Variants in MAP1B observed in about 807,000 individuals in gnomAD.
The protein encoded by MAP1B is microtubule associated protein 1B.
A neutral mutation model predicts 176.1 loss-of-function variants in MAP1B; 12 were observed. That is an observed-to-expected ratio of 0.07 (90% CI 0.04 to 0.11). The LOEUF is 0.11. Ranked by LOEUF, MAP1B falls within the 10% of genes least tolerant of loss-of-function variation. The pLI, the probability that MAP1B is intolerant of heterozygous loss-of-function variation, is 1.00. For missense variants in MAP1B, 2,523 were observed against 2,990.5 expected, an observed-to-expected ratio of 0.84 and a Z score of 3.65; for synonymous variants, 1,044 against 1,135.0, an observed-to-expected ratio of 0.92 and a Z score of 1.61.
Position 72,199,628 on chromosome 5 carries a change from G to A in MAP1B, c.6273G>A (p.Lys2091=), listed in dbSNP as rs768229932. The change falls in exon 5 of 7, where the codon AAG becomes AAA. Residue 2091 remains lysine, a synonymous_variant. Coordinates refer to ENST00000296755, the MANE Select transcript of MAP1B (RefSeq NM_005909.5). The surrounding 1 kb of genome is among the most constrained non-coding windows in gnomAD (Gnocchi z 4.2). Reference sequence around the variant, plus strand: ...GCCTCGTGTCCTCTTGTGAATACAAGCACCCCAAGACAGAGCTTTCACCCT... The same window carrying A: ...GCCTCGTGTCCTCTTGTGAATACAAACACCCCAAGACAGAGCTTTCACCCT... The part of the protein sequence containing the change: ...DLCLVSSCEY[K]HPKTELSPSF... 1.2e-6 allele frequency: 2 copies of A among 1,614,128 alleles called. No homozygotes were observed. Among genetic ancestry groups the A allele is most frequent in the East Asian group, 2.2e-5 (1 of 44,874 alleles).
intron 4 of MAP1B, chr5:72,193,342 CTTTTTTT>C: frequency 1.6e-4 from 34 of 215,098 alleles, no homozygotes; most frequent in South Asian, 4.3e-4. Context: ...TCCATCAGGC[CTTTTTTT>C]TTTTTTTTTT....
Position 72,195,957 on chromosome 5 carries a change from A to G in MAP1B, c.2602A>G (p.Lys868Glu). The change falls in exon 5 of 7, where the codon AAG becomes GAG. Residue 868 changes from lysine (K) to glutamate (E), a missense_variant. Physicochemically the swap from Lys to Glu is moderately conservative, Grantham distance 56 (BLOSUM62 1). Coordinates refer to ENST00000296755, the MANE Select transcript of MAP1B (RefSeq NM_005909.5). ...LELIEDEEKLKETEPVEAYVI... is the reference protein window; with the variant it reads ...LELIEDEEKLEETEPVEAYVI... ...GCTAATCGAAGACGAAGAGAAACTG[A>G]AGGAAACTGAGCCAGTCGAAGCCTA... is the stretch of plus-strand genomic sequence containing the variant. The G allele has an allele frequency of 6.2e-7, 1 of 1,614,218 alleles. No individual in the cohort carries two copies.
At chr5:72,118,628 CAT>C (rs906588298) in intron 2 of MAP1B, among the ~76,000 whole-genome samples, 9 of 149,970 alleles carry the variant, frequency 6.0e-5, no homozygotes, top group African/African-American at 2.0e-4. Context: ...TTTAAAAAAA[CAT>C]AGAGACGGGG....
In MAP1B at chr5:72,203,582, G is replaced by A. The variant is rs770089362; in HGVS notation, c.7032G>A (p.Thr2344=). 18 of 1,613,938 alleles carry A rather than the reference G, an allele frequency of 1.1e-5. No homozygotes were observed. In the East Asian group the frequency reaches 1.8e-4, roughly 16 times the overall value. ...CCCAAGGACCAGGAACTACCAAGAC[G>A]ACCAAGTCATCTGCTGTGCCCCCAG... ...TATAGPGTTK[T]TKSSAVPPGL... Residue 2344 remains threonine (T), a synonymous_variant, in exon 6 of 7, where the codon ACG becomes ACA. Coordinates refer to ENST00000296755, the MANE Select transcript of MAP1B (RefSeq NM_005909.5).
intron 4 of MAP1B, among the ~76,000 whole-genome samples, chr5:72,191,354 G>A (rs1747022517): frequency 6.6e-6 from 1 of 152,220 alleles, no homozygotes; most frequent in African/African-American, 2.4e-5. Flanking sequence ...AAGCTTCCTT[G>A]CCACTGCTAA....
chr5:72,163,030 C>A (rs987932480), intron 2 of MAP1B, among the ~76,000 whole-genome samples: 5 of 151,962 alleles, frequency 3.3e-5, no homozygotes, highest in South Asian at 4.1e-4. Flanking sequence ...GAGATCGAGA[C>A]CAGCCTGGCC....
At position 72,199,331 on chromosome 5, in the gene MAP1B, T is replaced by C. The variant is rs757542417; in HGVS notation, c.5976T>C (p.Asp1992=). The C allele has an allele frequency of 6.2e-7, 1 of 1,614,160 alleles. No individual in the cohort carries two copies. The highest frequency in any genetic ancestry group is 1.1e-5 in the South Asian group (1 of 91,082). Residue 1992 remains aspartate (D), a synonymous_variant, in exon 5 of 7, where the codon GAT becomes GAC. Transcript: ENST00000296755. This position sits in a 1 kb window ranked among gnomAD's most constrained non-coding sequence, Gnocchi z 4.2. ...RLLDDISNGY[D]DSEDGGHTLG... Reference sequence around the variant, plus strand: ...TGGATGACATCAGCAATGGCTATGATGACTCTGAGGATGGTGGCCACACAC... The same window carrying C: ...TGGATGACATCAGCAATGGCTATGACGACTCTGAGGATGGTGGCCACACAC...
chr5:72,145,163 A>C (rs1426580123), intron 2 of MAP1B, among the ~76,000 whole-genome samples: 1 of 152,230 alleles, frequency 6.6e-6, no homozygotes, highest in African/African-American at 2.4e-5. Flanking sequence ...GGAGGGCACT[A>C]GTCTTTAAAG....
In MAP1B at chr5:72,203,740, C is replaced by A; in HGVS notation, c.7190C>A (p.Pro2397His). The part of the protein sequence containing the change: ...VSGNDPAAEE[P>H]SRAVLDALLE... The stretch of plus-strand genomic sequence containing the variant: ...GGGAATGACCCTGCTGCTGAGGAGC[C>A]CAGCCGGGCTGTCCTGGACGCTTTG... The change falls in exon 6 of 7, where the codon CCC (proline) becomes CAC (histidine). Residue 2397 changes from proline to histidine, a missense_variant. Physicochemically the swap from Pro to His is moderately conservative, Grantham distance 77. Coordinates refer to ENST00000296755, the MANE Select transcript of MAP1B (RefSeq NM_005909.5). 6.2e-7 allele frequency: 1 copy of A among 1,613,680 alleles called. No individual in the cohort carries two copies. Among genetic ancestry groups the A allele is most frequent in the South Asian group, 1.1e-5 (1 of 91,050 alleles).
At chr5:72,171,069 G>A (rs770126237) in intron 2 of MAP1B, among the ~76,000 whole-genome samples, 5 of 152,152 alleles carry the variant, frequency 3.3e-5, no homozygotes, top group South Asian at 4.1e-4. Context: ...TTGCTGCTGC[G>A]TGTCAGGACA....
chr5:72,190,546 A>G (rs1747005043), intron 4 of MAP1B, among the ~76,000 whole-genome samples: 1 of 152,238 alleles, frequency 6.6e-6, no homozygotes. Flanking sequence ...CAATGTCAAG[A>G]GCTTTTATAA....
At chr5:72,134,307 G>A (rs1036158760) in intron 2 of MAP1B, among the ~76,000 whole-genome samples, 1 of 152,196 alleles carries the variant, frequency 6.6e-6, no homozygotes, top group Non-Finnish European at 1.5e-5. Context: ...CTCCCTCACT[G>A]CATTAGTGGG....
At chr5:72,145,278 C>T (rs1214493320) in intron 2 of MAP1B, among the ~76,000 whole-genome samples, 1 of 151,962 alleles carries the variant, frequency 6.6e-6, no homozygotes, top group East Asian at 1.9e-4. Context: ...TTTTATTTCT[C>T]TGCCAAAAGA....
Position 72,206,364 on chromosome 5 carries a change from A to G in MAP1B, c.*1125A>G, listed in dbSNP as rs1015046769. On this transcript the variant is annotated 3_prime_UTR_variant, in exon 7 of 7. Transcript: ENST00000296755. Reference sequence around the variant, plus strand: ...TTTGATGCTGAGTCATGCGTGTTGAATCCCACTTCAGTGCACCTGTGGCCT... The same window carrying G: ...TTTGATGCTGAGTCATGCGTGTTGAGTCCCACTTCAGTGCACCTGTGGCCT... 1.3e-5 allele frequency: 2 copies of G among 152,672 alleles called. No homozygotes were observed. Among genetic ancestry groups the G allele is most frequent in the African/African-American group, 4.8e-5 (2 of 41,454 alleles). 9.5% of individuals were successfully genotyped at this position (152,672 alleles called of 1,614,324 possible). A position where few individuals can be genotyped will look rare whatever the true frequency, so the allele number is the denominator to read the frequency against.
At chr5:72,139,966 C>CTT (rs879699021) in intron 2 of MAP1B, among the ~76,000 whole-genome samples, 1 of 146,340 alleles carries the variant, frequency 6.8e-6, no homozygotes, top group African/African-American at 2.5e-5. Flanking sequence ...GTATTACAAA[C>CTT]TTTTTTTTTT....
At chr5:72,164,657 C>T (rs957338139) in intron 2 of MAP1B, among the ~76,000 whole-genome samples, 7 of 152,216 alleles carry the variant, frequency 4.6e-5, no homozygotes, top group African/African-American at 1.4e-4. Context: ...AGGGAACCAG[C>T]GCAGTTGCCT....
intron 5 of MAP1B, among the ~76,000 whole-genome samples, chr5:72,200,888 T>C (rs1172175559): frequency 6.6e-6 from 1 of 152,182 alleles, no homozygotes; most frequent in Admixed American, 6.5e-5. Flanking sequence ...CATCACCAGG[T>C]TGGAGATAAA....
intron 2 of MAP1B, among the ~76,000 whole-genome samples, chr5:72,177,342 C>G (rs573113432): frequency 6.7e-6 from 1 of 148,736 alleles, no homozygotes; most frequent in East Asian, 1.9e-4. Context: ...TTCTCTTCCT[C>G]TCTGTTTTTC....
chr5:72,197,235 G>A lies in MAP1B; in HGVS notation c.3880G>A (p.Val1294Ile). 1 of 1,614,242 alleles carries A rather than the reference G, an allele frequency of 6.2e-7. No individual in the cohort carries two copies. The highest frequency in any genetic ancestry group is 1.1e-5 in the South Asian group (1 of 91,090). ...NEIKVSAEAE[V>I]APVSPEVTQE... Reference sequence around the variant, plus strand: ...GATTAAAGTCTCTGCAGAGGCAGAAGTAGCCCCGGTGTCTCCTGAGGTGAC... The same window carrying A: ...GATTAAAGTCTCTGCAGAGGCAGAAATAGCCCCGGTGTCTCCTGAGGTGAC... The change falls in exon 5 of 7, where the codon GTA becomes ATA. Residue 1294 changes from valine (V) to isoleucine (I), a missense_variant. Coordinates refer to ENST00000296755, the MANE Select transcript of MAP1B (RefSeq NM_005909.5).
Sources: allele counts gnomAD v4.1 joint callset (sites outside exome capture counted in the v4.1 genomes callset), GRCh38; gene constraint gnomAD v4.1.1; non-coding constraint Gnocchi (gnomAD v3.1); transcripts MANE v1.5; gene names NCBI Gene and HGNC (gene_info 2026-07-23, HGNC 2026-07-21).